The following PTPRJ variants were observed in gnomAD, a reference collection of about 807,000 sequenced individuals.
The protein encoded by PTPRJ is protein tyrosine phosphatase receptor type J, also known as receptor-type tyrosine-protein phosphatase eta.
Under a neutral mutation model 141.3 loss-of-function variants are expected in PTPRJ, and 129 were observed. The observed-to-expected ratio is 0.91, with a 90% CI of 0.79 to 1.06. The LOEUF is 1.06. Among genes scored for constraint, PTPRJ ranks in the 50% least tolerant of loss-of-function variants. The pLI is 0.00. For synonymous variants in PTPRJ, 610 were observed against 640.5 expected, an observed-to-expected ratio of 0.95 and a Z score of 0.72; for missense variants, 1,601 against 1,679.7, an observed-to-expected ratio of 0.95 and a Z score of 0.82.
rs1251232327 is a variant in PTPRJ at position 48,170,052 on chromosome 11, G to C, written c.*2690G>C. ...AGAGGCAAGAGGAGGGTGCCTCTGA[G>C]CTTCAACCCCTCCCAGGAACAATGA... On this transcript the variant is annotated 3_prime_UTR_variant, in exon 25 of 25. Transcript: ENST00000418331. 1 of 152,186 alleles carries C rather than the reference G, an allele frequency of 6.6e-6. No homozygotes were observed. The highest frequency in any genetic ancestry group is 1.5e-5 in the Non-Finnish European group (1 of 68,038). The allele number at this position is 152,186 out of a possible 1,614,324, so 9.4% of individuals were successfully genotyped here.
Position 48,121,139 on chromosome 11 carries a change from T to C in PTPRJ, c.489T>C (p.Ile163=). Residue 163 remains isoleucine, a synonymous_variant, in exon 4 of 25, where the codon ATT becomes ATC. Coordinates refer to ENST00000418331, the MANE Select transcript of PTPRJ (RefSeq NM_002843.4). ...VKHKMENEKT[I]TVVHQPWCNI... is the part of the protein sequence containing the mutation. Reference sequence around the variant, plus strand: ...ATAAGATGGAAAATGAGAAGACAATTACTGTTGTGCATCAACCATGGTGTA... The same window carrying C: ...ATAAGATGGAAAATGAGAAGACAATCACTGTTGTGCATCAACCATGGTGTA... 6.2e-7 allele frequency: 1 copy of C among 1,614,138 alleles called. No homozygotes were observed. The highest frequency in any genetic ancestry group is 8.5e-7 in the Non-Finnish European group (1 of 1,180,004).
At chr11:48,133,888 T>C (rs1857031277) in intron 8 of PTPRJ, among the ~76,000 whole-genome samples, 1 of 152,146 alleles carries the variant, frequency 6.6e-6, no homozygotes, top group Non-Finnish European at 1.5e-5. Flanking sequence ...CTTACATGAG[T>C]ACCTAGATTA....
intron 1 of PTPRJ, among the ~76,000 whole-genome samples, chr11:48,103,506 C>T (rs1428187765): frequency 6.6e-6 from 1 of 151,824 alleles, no homozygotes; most frequent in East Asian, 1.9e-4. Context: ...CAAAACAAAC[C>T]AAAAAAACCA....
At chr11:48,093,434 C>G (rs555986313) in intron 1 of PTPRJ, among the ~76,000 whole-genome samples, 2 of 152,270 alleles carry the variant, frequency 1.3e-5, no homozygotes, top group South Asian at 4.2e-4. Context: ...CCATGTGCTG[C>G]TTTTATTGCC....
intron 1 of PTPRJ, among the ~76,000 whole-genome samples, chr11:48,004,032 A>G (rs1186119710): frequency 2.6e-5 from 4 of 152,234 alleles, no homozygotes; most frequent in Non-Finnish European, 5.9e-5. Flanking sequence ...AACTGTAGCC[A>G]GAAACCAGCT....
At chr11:47,993,047 C>T (rs1185141883) in intron 1 of PTPRJ, among the ~76,000 whole-genome samples, 2 of 152,092 alleles carry the variant, frequency 1.3e-5, no homozygotes, top group Non-Finnish European at 2.9e-5. Flanking sequence ...TATGCATTGT[C>T]AGTGTCTCTA....
intron 2 of PTPRJ, among the ~76,000 whole-genome samples, chr11:48,110,625 G>A (rs1014689325): frequency 1.3e-5 from 2 of 152,208 alleles, no homozygotes; most frequent in Non-Finnish European, 2.9e-5. Context: ...ATCTGTGGGC[G>A]ATTTAACTTA....
intron 21 of PTPRJ, 135 bp downstream of exon 21, chr11:48,156,254 T>C (rs1857596840): frequency 8.2e-6 from 6 of 731,276 alleles, no homozygotes; most frequent in Non-Finnish European, 1.1e-5. Flanking sequence ...AAACTTGTTT[T>C]CTGTCTTTTT....
At position 48,169,214 on chromosome 11, in the gene PTPRJ, A is replaced by G. The variant is rs541427691; in HGVS notation, c.*1852A>G. 2 of 152,312 alleles carry G rather than the reference A, an allele frequency of 1.3e-5. No homozygotes were observed. Among genetic ancestry groups the G allele is most frequent in the South Asian group, 4.1e-4 (2 of 4,830 alleles). The allele number at this position is 152,312 out of a possible 1,614,324, so 9.4% of individuals were successfully genotyped here. ...TTCCCTTTCCCTTTGAGGTACTGAA[A>G]GGATGAAAAGGTGGTGTCATGTTTT... is the stretch of plus-strand genomic sequence containing the variant. On this transcript the variant is annotated 3_prime_UTR_variant, in exon 25 of 25. Coordinates refer to ENST00000418331, the MANE Select transcript of PTPRJ (RefSeq NM_002843.4).
rs140861937 is a variant in PTPRJ at position 48,155,837 on chromosome 11, A to G, written c.3266A>G (p.His1089Arg). 96 of 1,609,894 alleles carry G rather than the reference A, an allele frequency of 6.0e-5. No homozygotes were observed. The African/African-American group carries it at 9.9e-4, about 17-fold the overall frequency. The change falls in exon 20 of 25, where the codon CAT becomes CGT. Residue 1089 changes from histidine (H) to arginine (R), a missense_variant. Coordinates refer to ENST00000418331, the MANE Select transcript of PTPRJ (RefSeq NM_002843.4). ...ISRVKLSVQT[H>R]STDDYINANY... is the part of the protein sequence containing the mutation. ...CGTGTCAAACTTTCGGTCCAGACCC[A>G]TTCAACGGATGACTACATCAATGCC... is the stretch of plus-strand genomic sequence containing the variant.
chr11:48,045,010 T>A (rs1418185776), intron 1 of PTPRJ: 1 of 152,284 alleles, frequency 6.6e-6, no homozygotes, highest in East Asian at 1.9e-4. Flanking sequence ...TAACACCTCT[T>A]ATTGCAGGAG....
chr11:48,119,685 T>G (rs1412020685), intron 3 of PTPRJ, among the ~76,000 whole-genome samples: 1 of 152,228 alleles, frequency 6.6e-6, no homozygotes, highest in African/African-American at 2.4e-5. Context: ...ATTACAGGCA[T>G]GAGCCAGTGT....
At chr11:47,981,896 C>T (rs761196860) in intron 1 of PTPRJ, among the ~76,000 whole-genome samples, 3 of 152,206 alleles carry the variant, frequency 2.0e-5, no homozygotes, top group Non-Finnish European at 4.4e-5. Flanking sequence ...GTCCTCTTAG[C>T]CTCTGGAGCC....
rs1375040502 is a variant in PTPRJ at position 48,149,487 on chromosome 11, A to T, written c.3040A>T (p.Lys1014Ter). 4.0e-6 allele frequency: 6 copies of T among 1,494,112 alleles called. No individual in the cohort carries two copies. Among genetic ancestry groups the T allele is most frequent in the Non-Finnish European group, 5.5e-6 (6 of 1,085,974 alleles). 92.6% of individuals were successfully genotyped at this position (1,494,112 alleles called of 1,614,324 possible). A position where few individuals can be genotyped will look rare whatever the true frequency, so the allele number is the denominator to read the frequency against. The change falls in exon 16 of 25, where the codon AAA becomes TAA. Residue 1014 changes from lysine to a stop codon, truncating the protein, a stop_gained and splice_region_variant. Coordinates refer to ENST00000418331, the MANE Select transcript of PTPRJ (RefSeq NM_002843.4). LOFTEE classifies it high-confidence loss of function. ...KNNEVSFSQI[K>*]PKKSKLIRVE... ...TAATGAAGTGTCCTTTTCTCAAATT[A>T]AGTAAGTCTCTCAAATTATGAGCTT...
At chr11:48,146,797 G>T (rs977210282) in intron 14 of PTPRJ, 79 bp from the exon 15 acceptor site, 7 of 1,096,036 alleles carry the variant, frequency 6.4e-6, no homozygotes, top group Non-Finnish European at 9.9e-6. Context: ...CTGGTGTTAG[G>T]GTCCCAGGCC....
At chr11:48,127,644 C>T in intron 6 of PTPRJ, 136 bp from the exon 7 acceptor site, 1 of 907,744 alleles carries the variant, frequency 1.1e-6, no homozygotes, top group Admixed American at 2.5e-5. Flanking sequence ...CTTTCCTAGC[C>T]ACGGTTGATG....
chr11:48,021,110 A>C (rs1855107675), intron 1 of PTPRJ, among the ~76,000 whole-genome samples: 1 of 152,208 alleles, frequency 6.6e-6, no homozygotes. Context: ...ATGGTGGCTC[A>C]CGCCTGTAAT....
intron 1 of PTPRJ, among the ~76,000 whole-genome samples, chr11:48,062,945 A>G (rs1273170444): frequency 1.3e-5 from 2 of 152,208 alleles, no homozygotes; most frequent in Admixed American, 6.5e-5. Flanking sequence ...GGAGCAAGGT[A>G]AGAGCAGATT....
At chr11:48,012,162 A>T (rs577926031) in intron 1 of PTPRJ, among the ~76,000 whole-genome samples, 2 of 152,112 alleles carry the variant, frequency 1.3e-5, no homozygotes, top group African/African-American at 4.8e-5. Context: ...GGTGAGTGCG[A>T]TGCTAGTCAC....
Sources: gnomAD v4.1 joint callset for allele counts (sites outside exome capture counted in the v4.1 genomes callset) on GRCh38, gnomAD v4.1.1 for gene constraint, MANE v1.5 for transcripts, NCBI Gene and HGNC (gene_info 2026-07-23, HGNC 2026-07-21) for gene names.